PARD3: variants seen among roughly 807,000 people sequenced by gnomAD.
PARD3 encodes partitioning defective 3 homolog.
In PARD3, 75 loss-of-function variants were observed where a neutral mutation model predicts 155.4. That is an observed-to-expected ratio of 0.48 (90% CI 0.40 to 0.58). PARD3 has a LOEUF of 0.58. Among genes scored for constraint, PARD3 ranks in the 20% least tolerant of loss-of-function variants. The probability of loss-of-function intolerance (pLI) is 0.00; values close to 1 mark genes in which losing one functional copy is unlikely to be tolerated. For synonymous variants in PARD3, 576 were observed against 610.5 expected (o/e 0.94, Z 0.83); for missense variants, 1,642 against 1,721.7 (o/e 0.95, Z 0.82).
At chr10:34,257,870 G>A (rs58576642) in intron 22 of PARD3, among the ~76,000 whole-genome samples, 5,295 of 152,232 alleles carry the variant, frequency 0.035, 287 homozygotes, top group African/African-American at 0.12. Flanking sequence ...CATTTGTTGG[G>A]TGTTTTATGT....
chr10:34,215,783 T>G (rs12265365), intron 22 of PARD3, among the ~76,000 whole-genome samples: 3,517 of 152,312 alleles, frequency 0.023, 144 homozygotes, highest in African/African-American at 0.08. Context: ...AAATGAGTGC[T>G]TAGCAAAGAA....
chr10:34,390,594 G>A (rs1392633893), intron 7 of PARD3, among the ~76,000 whole-genome samples: 4 of 152,088 alleles, frequency 2.6e-5, no homozygotes, highest in Admixed American at 1.3e-4. Context: ...GCCACACTAC[G>A]TAAAAAATAC....
chr10:34,730,281 T>G (rs2094793482), intron 1 of PARD3, among the ~76,000 whole-genome samples: 1 of 151,692 alleles, frequency 6.6e-6, no homozygotes, highest in African/African-American at 2.4e-5. Flanking sequence ...AAATCTCACC[T>G]CTCTCTCTCC....
At chr10:34,361,527 G>GA (rs1839439558) in intron 12 of PARD3, among the ~76,000 whole-genome samples, 1 of 152,130 alleles carries the variant, frequency 6.6e-6, no homozygotes, top group Non-Finnish European at 1.5e-5. Context: ...TCAACCCAAG[G>GA]AATTTGGAAT....
chr10:34,574,357 G>C (rs147099053), intron 2 of PARD3, among the ~76,000 whole-genome samples: 1 of 152,202 alleles, frequency 6.6e-6, no homozygotes, highest in East Asian at 1.9e-4. Flanking sequence ...TCAGCATTCT[G>C]ATCTGACCAT....
intron 2 of PARD3, among the ~76,000 whole-genome samples, chr10:34,669,599 AC>A (rs2093570998): frequency 6.6e-6 from 1 of 152,014 alleles, no homozygotes; most frequent in South Asian, 2.1e-4. Context: ...AATTTTAAAA[AC>A]ATTAAAAAAA....
At chr10:34,482,573 C>T (rs2079152787) in intron 3 of PARD3, among the ~76,000 whole-genome samples, 1 of 144,804 alleles carries the variant, frequency 6.9e-6, no homozygotes, top group Non-Finnish European at 1.5e-5. Context: ...CCAACAGGGA[C>T]AGTTAGAAGA....
intron 2 of PARD3, among the ~76,000 whole-genome samples, chr10:34,566,698 A>C (rs2085968315): frequency 6.6e-6 from 1 of 152,230 alleles, no homozygotes; most frequent in Admixed American, 6.5e-5. Flanking sequence ...TATTACACAA[A>C]AGCCCCATCA....
chr10:34,814,918 G>A lies in PARD3; in HGVS notation c.78C>T (p.Leu26=). ...GGTAGCGGGTCACCGCCTGCTGGATGAGGCTGAAAACTTTCATGTGGCCGT... is the reference window on the plus strand; with the variant it reads ...GGTAGCGGGTCACCGCCTGCTGGATAAGGCTGAAAACTTTCATGTGGCCGT... The part of the protein sequence containing the change: ...CGDGHMKVFS[L]IQQAVTRYRK... The change falls in exon 1 of 25, where the codon CTC becomes CTT. Residue 26 remains leucine, a synonymous_variant. Coordinates refer to ENST00000374788, the MANE Select transcript of PARD3 (RefSeq NM_001184785.2). 1 of 1,564,142 alleles carries A rather than the reference G, an allele frequency of 6.4e-7. No homozygotes were observed. Among genetic ancestry groups the A allele is most frequent in the East Asian group, 2.5e-5 (1 of 39,964 alleles).
At chr10:34,147,414 T>C (rs920691861) in intron 22 of PARD3, among the ~76,000 whole-genome samples, 1 of 149,150 alleles carries the variant, frequency 6.7e-6, no homozygotes, top group African/African-American at 2.4e-5. Context: ...GAGTTTTTTC[T>C]TTTTTTCTCT....
intron 1 of PARD3, among the ~76,000 whole-genome samples, chr10:34,748,420 T>G (rs901117134): frequency 6.6e-6 from 1 of 152,034 alleles, no homozygotes; most frequent in African/African-American, 2.4e-5. Flanking sequence ...CAGGTTGCAG[T>G]GAGCCAAGAT....
chr10:34,462,337 C>T (rs2077703017), intron 4 of PARD3, among the ~76,000 whole-genome samples: 1 of 152,138 alleles, frequency 6.6e-6, no homozygotes, highest in African/African-American at 2.4e-5. Context: ...TCACAAATAA[C>T]CAAACGATAA....
intron 2 of PARD3, among the ~76,000 whole-genome samples, chr10:34,627,496 G>A (rs544116048): frequency 3.2e-4 from 49 of 152,288 alleles, no homozygotes; most frequent in African/African-American, 1.1e-3. Flanking sequence ...GATGACTAAC[G>A]TCCTTATAAA....
intron 2 of PARD3, among the ~76,000 whole-genome samples, chr10:34,572,787 T>C (rs2086535713): frequency 6.6e-6 from 1 of 152,032 alleles, no homozygotes; most frequent in African/African-American, 2.4e-5. Context: ...ACGCAGGCCA[T>C]ATGGCCTGAT....
At chr10:34,804,979 AGTCT>A (rs1843185607) in intron 1 of PARD3, among the ~76,000 whole-genome samples, 1 of 152,244 alleles carries the variant, frequency 6.6e-6, no homozygotes, top group Non-Finnish European at 1.5e-5. Context: ...TTTTTAGTGT[AGTCT>A]ATCTCAAAGA....
At chr10:34,250,737 A>C (rs148561319) in intron 22 of PARD3, among the ~76,000 whole-genome samples, 1 of 151,138 alleles carries the variant, frequency 6.6e-6, no homozygotes, top group Non-Finnish European at 1.5e-5. Flanking sequence ...AGTACACTAC[A>C]TATTTATTAA....
At chr10:34,164,056 G>A (rs56353471) in intron 22 of PARD3, among the ~76,000 whole-genome samples, 10,978 of 152,084 alleles carry the variant, frequency 0.072, 1,026 homozygotes, top group East Asian at 0.3. Context: ...AAACCACCAC[G>A]CTCATAGGTC....
At chr10:34,527,540 G>T (rs1251701757) in intron 2 of PARD3, among the ~76,000 whole-genome samples, 1 of 152,152 alleles carries the variant, frequency 6.6e-6, no homozygotes, top group Non-Finnish European at 1.5e-5. Flanking sequence ...AAAAAAAGAA[G>T]AAAGTAGAAC....
intron 22 of PARD3, among the ~76,000 whole-genome samples, chr10:34,163,778 A>G (rs1949394441): frequency 6.6e-6 from 1 of 152,204 alleles, no homozygotes; most frequent in Admixed American, 6.5e-5. Context: ...TTACGGGGGA[A>G]CTGCTCAGGC....
Sources: allele counts gnomAD v4.1 joint callset (sites outside exome capture counted in the v4.1 genomes callset), GRCh38; gene constraint gnomAD v4.1.1; transcripts MANE v1.5; gene names NCBI Gene and HGNC (gene_info 2026-07-23, HGNC 2026-07-21).